Variants in PLCH1 observed in about 807,000 individuals in gnomAD.
PLCH1 encodes the protein 1-phosphatidylinositol 4,5-bisphosphate phosphodiesterase eta-1.
A neutral mutation model predicts 126.7 loss-of-function variants in PLCH1; 60 were observed. The ratio of observed to expected loss-of-function variants is 0.47; its 90% CI spans 0.38 to 0.59. PLCH1 has a LOEUF of 0.59. Among genes scored for constraint, PLCH1 ranks in the 20% least tolerant of loss-of-function variants. The probability of loss-of-function intolerance (pLI) is 0.00; values close to 1 mark genes in which losing one functional copy is unlikely to be tolerated. For missense variants in PLCH1, 1,723 were observed against 2,040.0 expected (o/e 0.84, Z 2.99); for synonymous variants, 719 against 734.9 (o/e 0.98, Z 0.35).
intron 10 of PLCH1, among the ~76,000 whole-genome samples, chr3:155,541,891 G>T (rs1021633844): frequency 6.6e-5 from 10 of 152,214 alleles, no homozygotes; most frequent in Middle Eastern, 3.4e-3. Flanking sequence ...AATGAACTTT[G>T]CTGGTGGGGG....
chr3:155,472,155 G>C (rs533028996), intron 21 of PLCH1, among the ~76,000 whole-genome samples: 8,520 of 151,752 alleles, frequency 0.056, 419 homozygotes, highest in African/African-American at 0.14. Context: ...TTTTTGAAAG[G>C]ATCAACAAAA....
chr3:155,743,035 T>A, intron 1 of PLCH1: 1 of 270,770 alleles, frequency 3.7e-6, no homozygotes, highest in Non-Finnish European at 7.3e-6. Context: ...TTATGTTAAT[T>A]CTAACCAATG....
intron 2 of PLCH1, among the ~76,000 whole-genome samples, chr3:155,668,334 C>T (rs949747157): frequency 6.6e-6 from 1 of 152,100 alleles, no homozygotes; most frequent in African/African-American, 2.4e-5. Context: ...TTAGAAAGAT[C>T]CCCTAGCCCA....
intron 2 of PLCH1, among the ~76,000 whole-genome samples, chr3:155,669,914 C>T (rs1191860039): frequency 6.6e-6 from 1 of 152,096 alleles, no homozygotes; most frequent in Non-Finnish European, 1.5e-5. Context: ...CTTTATGAGA[C>T]CTACATCAAT....
intron 17 of PLCH1, among the ~76,000 whole-genome samples, chr3:155,493,806 G>A (rs1716606634): frequency 6.6e-6 from 1 of 152,200 alleles, no homozygotes; most frequent in Admixed American, 6.5e-5. Flanking sequence ...CATTACTTAA[G>A]ATAGTTTCTG....
intron 21 of PLCH1, among the ~76,000 whole-genome samples, chr3:155,459,982 C>A (rs1359355677): frequency 6.6e-6 from 1 of 152,150 alleles, no homozygotes; most frequent in Non-Finnish European, 1.5e-5. Context: ...CTCATCTCAG[C>A]TACTGATGCA....
At chr3:155,487,300 C>T (rs1190020421) in intron 21 of PLCH1, among the ~76,000 whole-genome samples, 1 of 152,168 alleles carries the variant, frequency 6.6e-6, no homozygotes, top group African/African-American at 2.4e-5. Context: ...TCCAGCTATA[C>T]AGATTTTCTG....
chr3:155,696,987 G>T (rs187909190), intron 2 of PLCH1, among the ~76,000 whole-genome samples: 87 of 152,300 alleles, frequency 5.7e-4, no homozygotes, highest in Non-Finnish European at 8.8e-4. Flanking sequence ...CATACATCCA[G>T]ATCTCCAATT....
chr3:155,585,885 A>C (rs770051363), intron 5 of PLCH1, among the ~76,000 whole-genome samples, 180 bp downstream of exon 5: 1 of 152,242 alleles, frequency 6.6e-6, no homozygotes, highest in Non-Finnish European at 1.5e-5. Flanking sequence ...TTTTGGACGA[A>C]TGTTAAATTT....
intron 18 of PLCH1, 86 bp from the exon 19 acceptor site, chr3:155,490,954 A>G (rs1560061295): frequency 1.4e-6 from 1 of 727,522 alleles, no homozygotes; most frequent in Non-Finnish European, 2.4e-6. Flanking sequence ...CAAAATGTCT[A>G]CATTTCGACA....
chr3:155,571,150 A>G (rs1432522989), intron 6 of PLCH1, among the ~76,000 whole-genome samples: 1 of 152,196 alleles, frequency 6.6e-6, no homozygotes, highest in Non-Finnish European at 1.5e-5. Context: ...AAAATTTAAA[A>G]CAAAGTCAGA....
At chr3:155,541,803 A>G (rs906359493) in intron 10 of PLCH1, among the ~76,000 whole-genome samples, 1 of 138,654 alleles carries the variant, frequency 7.2e-6, no homozygotes, top group Admixed American at 7.6e-5. Context: ...AGTTGCCACA[A>G]ACCTTCAATT....
intron 12 of PLCH1, among the ~76,000 whole-genome samples, chr3:155,509,447 A>G (rs1475876070): frequency 8.1e-5 from 3 of 36,936 alleles, no homozygotes; most frequent in African/African-American, 2.7e-4. Context: ...TTGTGATGTT[A>G]GGGTGTCAAT....
At chr3:155,727,819 C>T (rs1282512277) in intron 1 of PLCH1, among the ~76,000 whole-genome samples, 1 of 149,670 alleles carries the variant, frequency 6.7e-6, no homozygotes, top group Non-Finnish European at 1.5e-5. Context: ...AGAAATCAGG[C>T]ACCTGCTCTA....
At chr3:155,633,784 G>T (rs1319391470) in intron 2 of PLCH1, among the ~76,000 whole-genome samples, 1 of 152,146 alleles carries the variant, frequency 6.6e-6, no homozygotes, top group Non-Finnish European at 1.5e-5. Context: ...GCCGGGTATG[G>T]TGGTGCATGC....
chr3:155,608,084 C>G (rs1004556017), intron 2 of PLCH1, among the ~76,000 whole-genome samples: 1 of 152,088 alleles, frequency 6.6e-6, no homozygotes, highest in African/African-American at 2.4e-5. Context: ...TTAACCTTAC[C>G]TAGAGCTGAA....
At chr3:155,522,289 G>A (rs932484049) in intron 11 of PLCH1, among the ~76,000 whole-genome samples, 1 of 151,972 alleles carries the variant, frequency 6.6e-6, no homozygotes, top group Admixed American at 6.6e-5. Flanking sequence ...ATACCTAGAG[G>A]AGAAAAAAGC....
chr3:155,741,684 C>CTTTTTTTTTTTTTTTTTTTTT lies in PLCH1; in HGVS notation c.-41+3155_-41+3156insAAAAAAAAAAAAAAAAAAAAA. On this transcript the variant is annotated intron_variant, in intron 1 of 22. Transcript: ENST00000460012. ...TCCTTTTATCATAATTTTATATCCTCTTTTTTTTTTTTTTTTTTTTGTTCA... is the reference window on the plus strand; with the variant it reads ...TCCTTTTATCATAATTTTATATCCTCTTTTTTTTTTTTTTTTTTTTTTTTTTTTTTTTTTTTTTTTTGTTCA... Among the ~76,000 whole-genome samples the CTTTTTTTTTTTTTTTTTTTTT allele has an allele frequency of 4.1e-3, 424 of 102,852 alleles. 27 individuals carry two copies. Among genetic ancestry groups the CTTTTTTTTTTTTTTTTTTTTT allele is most frequent in the African/African-American group, 0.017 (352 of 20,888 alleles). 67.5% of individuals were successfully genotyped at this position (102,852 alleles called of 152,430 possible).
intron 10 of PLCH1, among the ~76,000 whole-genome samples, chr3:155,535,287 C>T (rs528904747): frequency 1.4e-4 from 22 of 152,200 alleles, no homozygotes; most frequent in African/African-American, 2.2e-4. Flanking sequence ...GGGGCAGTGA[C>T]GGGAGCAAAC....
Sources: gnomAD v4.1 joint callset for allele counts (sites outside exome capture counted in the v4.1 genomes callset) on GRCh38, gnomAD v4.1.1 for gene constraint, MANE v1.5 for transcripts, NCBI Gene and HGNC (gene_info 2026-07-23, HGNC 2026-07-21) for gene names.